CREB1: variants seen among roughly 807,000 people sequenced by gnomAD.
CREB1 encodes the protein cAMP responsive element binding protein 1.
In CREB1, 2 loss-of-function variants were observed where a neutral mutation model predicts 42.0. The ratio of observed to expected loss-of-function variants is 0.05; its 90% confidence interval spans 0.02 to 0.15. The LOEUF (loss-of-function observed/expected upper bound fraction) is 0.15. CREB1 is among the 10% of genes least tolerant of loss of function. The probability of loss-of-function intolerance (pLI) is 1.00; values close to 1 mark genes in which losing one functional copy is unlikely to be tolerated. For synonymous variants in CREB1, 123 were observed against 139.9 expected (o/e 0.88, Z 0.85); for missense variants, 199 against 388.9 (o/e 0.51, Z 4.11).
At chr2:207,577,195 G>A in intron 6 of CREB1, 1 of 1,096,134 alleles carries the variant, frequency 9.1e-7, no homozygotes, top group Non-Finnish European at 1.1e-6. Flanking sequence ...GATCATCCAA[G>A]CTGTGCCCCA....
intron 6 of CREB1, among the ~76,000 whole-genome samples, chr2:207,576,241 C>CTTTTTTTTTTTTTTTTTTTTGTTTT (rs35735523): frequency 9.9e-6 from 1 of 101,068 alleles, no homozygotes; most frequent in African/African-American, 3.8e-5. Context: ...CTTTTTTTGG[C>CTTTTTTTTTTTTTTTTTTTTGTTTT]TTTTTTTTTT....
rs566070101 is a variant in CREB1, at chr2:207,602,420, T to A, written c.*5362T>A. ...TTCTCACCAGCAAGTAAAAGGAAAATGAACAATCTTTTGGAATTGTCTTTG... is the reference window on the plus strand; with the variant it reads ...TTCTCACCAGCAAGTAAAAGGAAAAAGAACAATCTTTTGGAATTGTCTTTG... On this transcript the variant is annotated 3_prime_UTR_variant, in exon 8 of 8. Coordinates refer to ENST00000353267, the MANE Select transcript of CREB1 (RefSeq NM_004379.5). 1 of 201,966 alleles carries A rather than the reference T, an allele frequency of 5.0e-6. No individual in the cohort carries two copies. Among genetic ancestry groups the A allele is most frequent in the African/African-American group, 2.3e-5 (1 of 43,522 alleles). 12.5% of individuals were successfully genotyped at this position (201,966 alleles called of 1,614,324 possible). A position where few individuals can be genotyped will look rare whatever the true frequency, so the allele number is the denominator to read the frequency against.
intron 7 of CREB1, among the ~76,000 whole-genome samples, chr2:207,588,333 C>T (rs2084277390): frequency 6.6e-6 from 1 of 151,772 alleles, no homozygotes; most frequent in African/African-American, 2.4e-5. Context: ...CTCTTTTTTT[C>T]AAAAATTAAT....
At chr2:207,592,480 GC>G (rs1185980999) in intron 7 of CREB1, among the ~76,000 whole-genome samples, 1 of 152,000 alleles carries the variant, frequency 6.6e-6, no homozygotes, top group African/African-American at 2.4e-5. Context: ...TGTATATAAT[GC>G]TCCTTTTCTT....
Position 207,599,879 on chromosome 2 carries a change from T to G in CREB1, c.*2821T>G, listed in dbSNP as rs1468960094. The G allele has an allele frequency of 5.1e-6, 1 of 195,656 alleles. No individual in the cohort carries two copies. Among genetic ancestry groups the G allele is most frequent in the Non-Finnish European group, 1.1e-5 (1 of 94,216 alleles). 12.1% of individuals were successfully genotyped at this position (195,656 alleles called of 1,614,324 possible). On this transcript the variant is annotated 3_prime_UTR_variant, in exon 8 of 8. Transcript: ENST00000353267. The stretch of plus-strand genomic sequence containing the variant: ...GGGAATAAAAATGTCATCATAGGAA[T>G]TTGTACATATGCTACTGATTTGCCT...
intron 7 of CREB1, among the ~76,000 whole-genome samples, chr2:207,590,248 C>T (rs1379191163): frequency 6.6e-6 from 1 of 151,706 alleles, no homozygotes; most frequent in Non-Finnish European, 1.5e-5. Flanking sequence ...TATTCTTTTA[C>T]TGTATGGGAT....
intron 7 of CREB1, among the ~76,000 whole-genome samples, chr2:207,588,262 C>T (rs966540668): frequency 5.9e-5 from 9 of 152,100 alleles, no homozygotes; most frequent in Non-Finnish European, 7.4e-5. Context: ...TATATAGGAA[C>T]ATCCATTTGT....
At chr2:207,537,929 G>A (rs1257689960) in intron 1 of CREB1, among the ~76,000 whole-genome samples, 1 of 152,078 alleles carries the variant, frequency 6.6e-6, no homozygotes, top group Non-Finnish European at 1.5e-5. Context: ...TAGAATATTT[G>A]CATATACATA....
intron 4 of CREB1, among the ~76,000 whole-genome samples, chr2:207,568,866 T>G (rs376749587): frequency 1.3e-5 from 2 of 152,128 alleles, no homozygotes; most frequent in South Asian, 4.1e-4. Flanking sequence ...GTGAAACATT[T>G]AACACTGTAC....
Position 207,587,242 on chromosome 2 carries a change from A to G in CREB1, c.839+9587A>G, listed in dbSNP as rs559141587. ...CTCCTTCTTTACTAAAAATCCAAAAATTCAGCCAGGCATGGTGGCGGGTGC... is the reference window on the plus strand; with the variant it reads ...CTCCTTCTTTACTAAAAATCCAAAAGTTCAGCCAGGCATGGTGGCGGGTGC... On this transcript the variant is annotated intron_variant, in intron 7 of 7. Transcript: ENST00000353267. 3.9e-5 allele frequency among the ~76,000 whole-genome samples: 6 copies of G among 152,190 alleles called. No homozygotes were observed. In the East Asian group the frequency reaches 1.2e-3, roughly 29 times the overall value.
chr2:207,574,142 A>G (rs1409837553), intron 5 of CREB1, among the ~76,000 whole-genome samples: 1 of 152,204 alleles, frequency 6.6e-6, no homozygotes, highest in Non-Finnish European at 1.5e-5. Context: ...GCAGTAATCA[A>G]TTTTCCATGT....
intron 7 of CREB1, among the ~76,000 whole-genome samples, chr2:207,582,367 C>T (rs1244150386): frequency 6.6e-6 from 1 of 152,174 alleles, no homozygotes; most frequent in African/African-American, 2.4e-5. Flanking sequence ...TGTATATCTC[C>T]ATCCCTTCTA....
At chr2:207,541,219 C>T (rs868646217) in intron 1 of CREB1, among the ~76,000 whole-genome samples, 2 of 140,244 alleles carry the variant, frequency 1.4e-5, no homozygotes, top group Non-Finnish European at 3.1e-5. Context: ...GACTCCATCT[C>T]AAAAAAAAAA....
At chr2:207,548,956 A>G (rs1272285671) in intron 1 of CREB1, among the ~76,000 whole-genome samples, 1 of 152,248 alleles carries the variant, frequency 6.6e-6, no homozygotes, top group Non-Finnish European at 1.5e-5. Context: ...AACTTCATGT[A>G]TAACTTTTCT....
At chr2:207,594,800 T>C (rs945169889) in intron 7 of CREB1, among the ~76,000 whole-genome samples, 1 of 152,146 alleles carries the variant, frequency 6.6e-6, no homozygotes, top group Non-Finnish European at 1.5e-5. Flanking sequence ...CTCCATTCCA[T>C]TTTCCATAGC....
intron 7 of CREB1, among the ~76,000 whole-genome samples, chr2:207,595,349 A>G (rs2085935850): frequency 6.6e-6 from 1 of 151,908 alleles, no homozygotes; most frequent in Admixed American, 6.6e-5. Flanking sequence ...ATCTCTGTTC[A>G]AGTCCCTATG....
At chr2:207,549,413 T>C (rs568591577) in intron 1 of CREB1, among the ~76,000 whole-genome samples, 67 of 151,840 alleles carry the variant, frequency 4.4e-4, no homozygotes, top group African/African-American at 1.6e-3. Flanking sequence ...TATTTTAAGG[T>C]TAACCCTCCC....
intron 7 of CREB1, among the ~76,000 whole-genome samples, chr2:207,596,028 G>T (rs114150406): frequency 2.6e-5 from 4 of 152,098 alleles, no homozygotes; most frequent in African/African-American, 9.7e-5. Context: ...TCTGCTTTTG[G>T]TGTTGTATTT....
Position 207,602,153 on chromosome 2 carries a change from C to T in CREB1, c.*5095C>T, listed in dbSNP as rs1267448867. 1 of 197,914 alleles carries T rather than the reference C, an allele frequency of 5.1e-6. No homozygotes were observed. 12.3% of individuals were successfully genotyped at this position (197,914 alleles called of 1,614,324 possible). A position where few individuals can be genotyped will look rare whatever the true frequency, so the allele number is the denominator to read the frequency against. Reference sequence around the variant, plus strand: ...TATGTGTCCTCAGGGGGCAGACCGACTTTAAGAGGGACCAGATAACGTTTG... The same window carrying T: ...TATGTGTCCTCAGGGGGCAGACCGATTTTAAGAGGGACCAGATAACGTTTG... On this transcript the variant is annotated 3_prime_UTR_variant, in exon 8 of 8. Transcript: ENST00000353267.
Sources: allele counts gnomAD v4.1 joint callset (sites outside exome capture counted in the v4.1 genomes callset), GRCh38; gene constraint gnomAD v4.1.1; transcripts MANE v1.5; gene names NCBI Gene and HGNC (gene_info 2026-07-23, HGNC 2026-07-21).